The following NALF1 variants were observed in gnomAD, a reference collection of about 807,000 sequenced individuals.
The protein encoded by NALF1 is NALCN channel auxiliary factor 1.
Under a neutral mutation model 48.4 loss-of-function variants are expected in NALF1, and 3 were observed. The ratio of observed to expected loss-of-function variants is 0.06; its 90% CI spans 0.03 to 0.16. The LOEUF (loss-of-function observed/expected upper bound fraction) is 0.16, where lower values mean the gene tolerates loss of function less well. NALF1 is among the 10% of genes least tolerant of loss of function. The probability of loss-of-function intolerance (pLI) is 1.00; values close to 1 mark genes in which losing one functional copy is unlikely to be tolerated. For missense variants in NALF1, 526 were observed against 571.5 expected (o/e 0.92, Z 0.81); for synonymous variants, 262 against 245.7 (o/e 1.07, Z -0.62).
At chr13:107,802,071 C>T (rs1225102773) in intron 1 of NALF1, among the ~76,000 whole-genome samples, 2 of 152,162 alleles carry the variant, frequency 1.3e-5, no homozygotes, top group Non-Finnish European at 2.9e-5. Context: ...AGTCTCTTTG[C>T]TATAAAAATC....
intron 1 of NALF1, among the ~76,000 whole-genome samples, chr13:107,267,824 C>A (rs184024001): frequency 2.6e-4 from 40 of 152,180 alleles, no homozygotes; most frequent in Middle Eastern, 3.4e-3. Context: ...ATCTGATAAC[C>A]GCGATGGCTA....
At chr13:107,267,035 G>T (rs1011139877) in intron 1 of NALF1, among the ~76,000 whole-genome samples, 2 of 152,120 alleles carry the variant, frequency 1.3e-5, no homozygotes, top group Non-Finnish European at 2.9e-5. Flanking sequence ...TTACACCTGG[G>T]TTAACTGAGG....
intron 1 of NALF1, among the ~76,000 whole-genome samples, chr13:107,381,738 G>C (rs944814581): frequency 6.6e-6 from 1 of 152,116 alleles, no homozygotes; most frequent in Non-Finnish European, 1.5e-5. Flanking sequence ...AAGGTGACTC[G>C]ACTCTTGCTT....
At chr13:107,360,017 A>G (rs941267088) in intron 1 of NALF1, among the ~76,000 whole-genome samples, 1 of 152,178 alleles carries the variant, frequency 6.6e-6, no homozygotes, top group African/African-American at 2.4e-5. Flanking sequence ...AGGTTATGCT[A>G]TTGCAAAGCC....
intron 1 of NALF1, among the ~76,000 whole-genome samples, chr13:107,696,118 G>A (rs879686834): frequency 2.0e-5 from 3 of 152,092 alleles, no homozygotes; most frequent in Non-Finnish European, 4.4e-5. Context: ...GGCTGGCCTT[G>A]AACTCTGATC....
At chr13:107,585,378 G>A (rs1262268984) in intron 1 of NALF1, among the ~76,000 whole-genome samples, 1 of 149,858 alleles carries the variant, frequency 6.7e-6, no homozygotes. Flanking sequence ...AAATAGAATA[G>A]AAAAAAAAAA....
intron 1 of NALF1, among the ~76,000 whole-genome samples, chr13:107,507,416 CT>C (rs1251309962): frequency 2.7e-5 from 4 of 150,910 alleles, no homozygotes; most frequent in Admixed American, 6.6e-5. Context: ...TATATGGTAG[CT>C]TTTTTTTGTT....
chr13:107,830,859 C>T (rs1290327318), intron 1 of NALF1, among the ~76,000 whole-genome samples: 1 of 152,168 alleles, frequency 6.6e-6, no homozygotes, highest in Non-Finnish European at 1.5e-5. Flanking sequence ...AAGACTTACT[C>T]ATATTTAATA....
intron 1 of NALF1, among the ~76,000 whole-genome samples, chr13:107,230,705 A>C (rs1483336598): frequency 6.6e-6 from 1 of 152,130 alleles, no homozygotes; most frequent in Admixed American, 6.5e-5. Context: ...AGAGAAGAGA[A>C]GATAGCTGGG....
chr13:107,544,977 T>C (rs1877098990), intron 1 of NALF1, among the ~76,000 whole-genome samples: 1 of 152,146 alleles, frequency 6.6e-6, no homozygotes, highest in Non-Finnish European at 1.5e-5. Context: ...AGTGACACAC[T>C]GTGCTGAATT....
intron 1 of NALF1, among the ~76,000 whole-genome samples, chr13:107,361,825 G>C (rs148278795): frequency 6.6e-6 from 1 of 152,156 alleles, no homozygotes; most frequent in Non-Finnish European, 1.5e-5. Context: ...TCAGCTCTTC[G>C]CTGGTCTTCG....
intron 1 of NALF1, among the ~76,000 whole-genome samples, chr13:107,368,056 G>A (rs1883182717): frequency 6.6e-6 from 1 of 152,128 alleles, no homozygotes; most frequent in Non-Finnish European, 1.5e-5. Context: ...GTGGTTCTGT[G>A]TACTTATTTT....
At chr13:107,687,113 T>C (rs1336637268) in intron 1 of NALF1, among the ~76,000 whole-genome samples, 1 of 152,214 alleles carries the variant, frequency 6.6e-6, no homozygotes, top group Non-Finnish European at 1.5e-5. Context: ...TGGAATACTA[T>C]GTAGCCATAA....
At chr13:107,816,196 C>T (rs769154678) in intron 1 of NALF1, among the ~76,000 whole-genome samples, 1 of 152,180 alleles carries the variant, frequency 6.6e-6, no homozygotes, top group Non-Finnish European at 1.5e-5. Context: ...AATGAAAATT[C>T]TTCTCAAGTG....
chr13:107,606,089 G>A (rs551527457), intron 1 of NALF1, among the ~76,000 whole-genome samples: 51 of 152,116 alleles, frequency 3.4e-4, no homozygotes, highest in African/African-American at 1.1e-3. Flanking sequence ...GTTTTCCATT[G>A]CCTAAATTCA....
chr13:107,520,743 C>A (rs74938563), intron 1 of NALF1, among the ~76,000 whole-genome samples: 1 of 152,176 alleles, frequency 6.6e-6, no homozygotes, highest in African/African-American at 2.4e-5. Flanking sequence ...CATCATAGAA[C>A]GTTTGCATCA....
intron 1 of NALF1, among the ~76,000 whole-genome samples, chr13:107,242,155 A>C (rs954933316): frequency 6.6e-6 from 1 of 152,196 alleles, no homozygotes; most frequent in African/African-American, 2.4e-5. Flanking sequence ...CCCAGCTCAG[A>C]AGAGTCTGTA....
chr13:107,176,687 C>G (rs115125675), intron 2 of NALF1, among the ~76,000 whole-genome samples: 1,742 of 151,694 alleles, frequency 0.011, 29 homozygotes, highest in African/African-American at 0.039. Context: ...ATTGTTTAGA[C>G]CAGTGCATGG....
chr13:107,368,661 CTG>C (rs1404476812), intron 1 of NALF1, among the ~76,000 whole-genome samples: 1 of 152,212 alleles, frequency 6.6e-6, no homozygotes. Flanking sequence ...TCTCTTCCAC[CTG>C]TGTCTCTTAT....
Sources: allele counts gnomAD v4.1 joint callset (sites outside exome capture counted in the v4.1 genomes callset), GRCh38; gene constraint gnomAD v4.1.1; transcripts MANE v1.5; gene names NCBI Gene and HGNC (gene_info 2026-07-23, HGNC 2026-07-21).